Variants in RNF19A observed in about 807,000 individuals in gnomAD.
The protein encoded by RNF19A is E3 ubiquitin-protein ligase RNF19A.
In RNF19A, 32 loss-of-function variants were observed where a neutral mutation model predicts 75.7. The observed-to-expected ratio is 0.42, with a 90% confidence interval of 0.32 to 0.57. The LOEUF is 0.57. Among genes scored for constraint, RNF19A ranks in the 20% least tolerant of loss-of-function variants. RNF19A has a pLI of 0.10. For missense variants in RNF19A, 782 were observed against 1,036.3 expected, an observed-to-expected ratio of 0.75 and a Z score of 3.37; for synonymous variants, 335 against 345.2, an observed-to-expected ratio of 0.97 and a Z score of 0.33.
intron 2 of RNF19A, among the ~76,000 whole-genome samples, chr8:100,282,056 T>C (rs1175429799): frequency 6.6e-6 from 1 of 152,202 alleles, no homozygotes; most frequent in Non-Finnish European, 1.5e-5. Context: ...CAGGGCTACA[T>C]GCCTGAGACT....
rs768948472 is a variant in RNF19A, at chr8:100,288,155, C to A, written c.20G>T (p.Gly7Val). The change falls in exon 2 of 10, where the codon GGT (glycine) becomes GTT (valine). Residue 7 changes from glycine to valine, a missense_variant. Coordinates refer to ENST00000341084, the MANE Select transcript of RNF19A (RefSeq NM_183419.4). MQEQEIGFISKYNEGLC... is the reference protein window; with the variant it reads MQEQEIVFISKYNEGLC... Reference sequence around the variant, plus strand: ...CCCTTCATTATATTTAGAGATAAAACCTATTTCTTGTTCTTGCATTCACAT... The same window carrying A: ...CCCTTCATTATATTTAGAGATAAAAACTATTTCTTGTTCTTGCATTCACAT... 3.1e-6 allele frequency: 5 copies of A among 1,604,536 alleles called. No individual in the cohort carries two copies. The South Asian group carries it at 5.6e-5, about 18-fold the overall frequency.
intron 2 of RNF19A, among the ~76,000 whole-genome samples, chr8:100,283,879 T>C (rs538618670): frequency 6.6e-6 from 1 of 152,258 alleles, no homozygotes; most frequent in East Asian, 1.9e-4. Flanking sequence ...TTTATAAAAA[T>C]CAAATATTCA....
intron 1 of RNF19A, among the ~76,000 whole-genome samples, chr8:100,302,006 A>C (rs1457679320): frequency 6.6e-6 from 1 of 152,196 alleles, no homozygotes; most frequent in African/African-American, 2.4e-5. Flanking sequence ...GGTATGCTCA[A>C]GGAATAGCCA....
Position 100,259,879 on chromosome 8 carries a change from G to C in RNF19A, c.1801C>G (p.Leu601Val). The C allele has an allele frequency of 6.2e-7, 1 of 1,613,308 alleles. No homozygotes were observed. Among genetic ancestry groups the C allele is most frequent in the Non-Finnish European group, 8.5e-7 (1 of 1,179,714 alleles). ...TTGTCCAATGGGATGTAGGAATTCA[G>C]AATGGATCCTGCCATTGCTTTGGTG... ...ASTKAMAGSI[L>V]NSYIPLDKEG... Residue 601 changes from leucine (L) to valine (V), a missense_variant, in exon 9 of 10, where the codon CTG (leucine) becomes GTG (valine). Leu to Val is a conservative substitution (Grantham distance 32). Around this residue, in one of 7 missense-constraint regions of RNF19A, gnomAD observed 442 missense variants for 541.6 expected, o/e 0.82. Coordinates refer to ENST00000341084, the MANE Select transcript of RNF19A (RefSeq NM_183419.4). This position sits in a 1 kb window ranked among gnomAD's most constrained non-coding sequence, Gnocchi z 4.5.
At chr8:100,307,178 A>C (rs759388057) in intron 1 of RNF19A, among the ~76,000 whole-genome samples, 2 of 152,216 alleles carry the variant, frequency 1.3e-5, no homozygotes, top group African/African-American at 4.8e-5. Flanking sequence ...CCTGCATTTG[A>C]CAGTCAGTTT....
Position 100,293,191 on chromosome 8 carries a change from A to G in RNF19A, c.-93-4924T>C, listed in dbSNP as rs73282736. Among the ~76,000 whole-genome samples, 785 of 152,338 alleles carry G rather than the reference A, an allele frequency of 5.2e-3. 9 individuals carry two copies. The highest frequency in any genetic ancestry group is 0.018 in the African/African-American group (768 of 41,584). On this transcript the variant is annotated intron_variant, in intron 1 of 9. Coordinates refer to ENST00000341084, the MANE Select transcript of RNF19A (RefSeq NM_183419.4). ...CCTAACAGGCCACACACTGTGGCCC[A>G]AGGGTTGGGGAGCCCTGTTCTTGTG...
At chr8:100,268,694 A>C in intron 5 of RNF19A, 91 bp downstream of exon 5, 1 of 783,134 alleles carries the variant, frequency 1.3e-6, no homozygotes. Flanking sequence ...AAAAAAAAAA[A>C]AAAAAAAAAA....
At chr8:100,291,401 G>A (rs906324821) in intron 1 of RNF19A, among the ~76,000 whole-genome samples, 4 of 152,178 alleles carry the variant, frequency 2.6e-5, no homozygotes, top group Admixed American at 2.6e-4. Context: ...TAAGCCATAC[G>A]GCCTTACTAC....
chr8:100,259,199 G>T lies in RNF19A; in HGVS notation c.1874C>A (p.Ser625Tyr), dbSNP rs1819596864. 6.2e-7 allele frequency: 1 copy of T among 1,613,762 alleles called. No homozygotes were observed. Among genetic ancestry groups the T allele is most frequent in the Non-Finnish European group, 8.5e-7 (1 of 1,179,996 alleles). ...GCTTCCACTGTTGTGCCTGAATTTGGATGGCTTTGACTCAATATCTACTTG... is the reference window on the plus strand; with the variant it reads ...GCTTCCACTGTTGTGCCTGAATTTGTATGGCTTTGACTCAATATCTACTTG... Reference protein sequence around the residue: ...EVQVDIESKPSKFRHNSGSSS... With the variant: ...EVQVDIESKPYKFRHNSGSSS... Residue 625 changes from serine (S) to tyrosine (Y), a missense_variant, in exon 10 of 10, where the codon TCC becomes TAC. Transcript: ENST00000341084. The surrounding 1 kb of genome is among the most constrained non-coding windows in gnomAD (Gnocchi z 4.5).
chr8:100,279,485 C>G (rs754957173), intron 2 of RNF19A, among the ~76,000 whole-genome samples: 1 of 152,056 alleles, frequency 6.6e-6, no homozygotes, highest in Non-Finnish European at 1.5e-5. Flanking sequence ...GTGATTCTCA[C>G]GCCTCAGCCT....
chr8:100,296,426 C>T (rs1198757169), intron 1 of RNF19A, among the ~76,000 whole-genome samples: 3 of 152,062 alleles, frequency 2.0e-5, no homozygotes, highest in African/African-American at 4.8e-5. Flanking sequence ...TTCTTACTGC[C>T]CAGGTAATAG....
chr8:100,319,686 T>A (rs1183636881), intron 1 of RNF19A, among the ~76,000 whole-genome samples: 1 of 151,976 alleles, frequency 6.6e-6, no homozygotes, highest in Non-Finnish European at 1.5e-5. Flanking sequence ...CACACCACCA[T>A]GCCCGGCTAA....
intron 1 of RNF19A, among the ~76,000 whole-genome samples, chr8:100,302,159 A>G (rs1419752502): frequency 2.6e-5 from 4 of 152,386 alleles, no homozygotes; most frequent in Middle Eastern, 3.4e-3. Flanking sequence ...GGGTTTCTAA[A>G]GTGACAGAGA....
chr8:100,269,568 A>G lies in RNF19A; in HGVS notation c.1028+301T>C, dbSNP rs1230768054. Among the ~76,000 whole-genome samples the G allele has an allele frequency of 6.6e-6, 1 of 152,144 alleles. No homozygotes were observed. Among genetic ancestry groups the G allele is most frequent in the Admixed American group, 6.6e-5 (1 of 15,260 alleles). On this transcript the variant is annotated intron_variant, in intron 4 of 9. Coordinates refer to ENST00000341084, the MANE Select transcript of RNF19A (RefSeq NM_183419.4). The surrounding 1 kb of genome is among the most constrained non-coding windows in gnomAD (Gnocchi z 5.7). ...AAACTCACTCTGTGCCTAAATGATAAAATTTATGTATGGGAAAATTAAATG... is the reference window on the plus strand; with the variant it reads ...AAACTCACTCTGTGCCTAAATGATAGAATTTATGTATGGGAAAATTAAATG...
chr8:100,313,643 G>A (rs146460513), upstream of RNF19A, among the ~76,000 whole-genome samples: 25 of 152,256 alleles, frequency 1.6e-4, no homozygotes, highest in East Asian at 3.1e-3. Context: ...TTTAAGCAGC[G>A]TGACATCTGA....
At chr8:100,307,759 C>T (rs1012270598) in intron 1 of RNF19A, among the ~76,000 whole-genome samples, 2 of 152,168 alleles carry the variant, frequency 1.3e-5, no homozygotes, top group Non-Finnish European at 2.9e-5. Context: ...TGCTTTACGA[C>T]TTCACTTACA....
At chr8:100,309,158 T>C in intron 1 of RNF19A, 1 of 246,844 alleles carries the variant, frequency 4.1e-6, no homozygotes, top group South Asian at 1.5e-4. Flanking sequence ...GGGCGAGGGC[T>C]GGGAACACCC....
Position 100,268,974 on chromosome 8 carries a change from A to G in RNF19A, c.1029-27T>C, listed in dbSNP as rs770115809. On this transcript the variant is annotated intron_variant, in intron 4 of 9. Transcript: ENST00000341084. ...TAACGGAAAAAATTATAATGTAAAT[A>G]ACTGCTGCAAAACACCACAATAACA... 1.4e-4 allele frequency: 212 copies of G among 1,539,600 alleles called. No individual in the cohort carries two copies. The Admixed American group carries it at 4.0e-3, about 29-fold the overall frequency.
Position 100,258,057 on chromosome 8 carries a change from A to G in RNF19A, c.*499T>C, listed in dbSNP as rs1586582919. 2 of 378,756 alleles carry G rather than the reference A, an allele frequency of 5.3e-6. No homozygotes were observed. The highest frequency in any genetic ancestry group is 8.9e-6 in the Non-Finnish European group (2 of 225,432). The allele number at this position is 378,756 out of a possible 1,614,324, so 23.5% of individuals were successfully genotyped here. A position where few individuals can be genotyped will look rare whatever the true frequency, so the allele number is the denominator to read the frequency against. On this transcript the variant is annotated 3_prime_UTR_variant, in exon 10 of 10. Transcript: ENST00000341084. This position sits in a 1 kb window ranked among gnomAD's most constrained non-coding sequence, Gnocchi z 4.3. ...TTATATAACCACATTGCATATGAAG[A>G]AAAAAAATGAAATTTATGCCGATAT...
Sources: gnomAD v4.1 joint callset for allele counts (sites outside exome capture counted in the v4.1 genomes callset) on GRCh38, gnomAD v4.1.1 for gene constraint, gnomAD v4.1.1 regional missense constraint, Gnocchi (gnomAD v3.1) non-coding constraint, MANE v1.5 for transcripts, NCBI Gene and HGNC (gene_info 2026-07-23, HGNC 2026-07-21) for gene names.